Variants in PAPOLG observed in about 807,000 individuals in gnomAD.
PAPOLG encodes poly(A) polymerase gamma.
Under a neutral mutation model 99.0 loss-of-function variants are expected in PAPOLG, and 40 were observed. The ratio of observed to expected loss-of-function variants is 0.40; its 90% CI spans 0.31 to 0.53. The LOEUF is 0.53. Ranked by LOEUF, PAPOLG falls within the 20% of genes least tolerant of loss-of-function variation. PAPOLG has a pLI of 0.41. For missense variants in PAPOLG, 675 were observed against 884.1 expected (o/e 0.76, Z 3.00); for synonymous variants, 310 against 299.3 (o/e 1.04, Z -0.37).
intron 15 of PAPOLG, among the ~76,000 whole-genome samples, chr2:60,788,055 GAAAA>G (rs922658590): frequency 1.4e-5 from 2 of 144,958 alleles, no homozygotes; most frequent in African/African-American, 2.5e-5. Context: ...AAGAAAAAAA[GAAAA>G]AAAAAAGCAT....
intron 8 of PAPOLG, among the ~76,000 whole-genome samples, chr2:60,777,257 A>G (rs1311788309): frequency 6.6e-6 from 1 of 152,118 alleles, no homozygotes; most frequent in African/African-American, 2.4e-5. Context: ...AGAGTTCGAG[A>G]TCAGCCTGAC....
At chr2:60,768,396 C>T in intron 3 of PAPOLG, 74 bp from the exon 4 acceptor site, 1 of 1,493,632 alleles carries the variant, frequency 6.7e-7, no homozygotes, top group East Asian at 2.3e-5. Flanking sequence ...GCCACCATGC[C>T]CAGCCAACAT....
chr2:60,794,228 TA>T (rs1334035040), intron 19 of PAPOLG, 37 bp downstream of exon 19: 2 of 1,570,984 alleles, frequency 1.3e-6, no homozygotes, highest in South Asian at 2.3e-5. Flanking sequence ...CAGTAGTTGA[TA>T]TTTTTTATAG....
At chr2:60,756,575 C>A in intron 1 of PAPOLG, 80 bp downstream of exon 1, 1 of 1,443,704 alleles carries the variant, frequency 6.9e-7, no homozygotes, top group Non-Finnish European at 9.4e-7. Context: ...TGTTTCCGTT[C>A]CCTGTCCCTT....
intron 17 of PAPOLG, among the ~76,000 whole-genome samples, chr2:60,793,420 C>T (rs370155275): frequency 1.3e-4 from 20 of 150,810 alleles, no homozygotes; most frequent in East Asian, 9.8e-4. Context: ...AAAAATTAAC[C>T]CGATATGATG....
rs535452918 is a variant in PAPOLG at position 60,760,440 on chromosome 2, T to C, written c.179+145T>C. On this transcript the variant is annotated intron_variant, in intron 2 of 21. Transcript: ENST00000238714. ...CTTGGCCCTCTTGGAGCTTACATTT[T>C]AGGTAGGGGTTAGAAGAAGAGATTT... 1.0e-5 allele frequency: 7 copies of C among 692,502 alleles called. No homozygotes were observed. The South Asian group carries it at 1.4e-4, about 14-fold the overall frequency. The allele number at this position is 692,502 out of a possible 1,614,324, so 42.9% of individuals were successfully genotyped here.
At position 60,770,330 on chromosome 2, in the gene PAPOLG, A is replaced by C. The variant is rs1043526864; in HGVS notation, c.439-128A>C. ...TTCACATTATTGGTAGTTAGAAAGG[A>C]TAAAGAAGGGATTACTTCTATGTGG... On this transcript the variant is annotated intron_variant, in intron 5 of 21. Coordinates refer to ENST00000238714, the MANE Select transcript of PAPOLG (RefSeq NM_022894.4). 7.4e-6 allele frequency: 5 copies of C among 673,732 alleles called. No individual in the cohort carries two copies. In the East Asian group the frequency reaches 1.6e-4, roughly 22 times the overall value. The allele number at this position is 673,732 out of a possible 1,614,324, so 41.7% of individuals were successfully genotyped here.
rs1412249382 is a variant in PAPOLG, at chr2:60,798,128, A to G, written c.*968A>G. 1 of 152,742 alleles carries G rather than the reference A, an allele frequency of 6.5e-6. No individual in the cohort carries two copies. Among genetic ancestry groups the G allele is most frequent in the African/African-American group, 2.4e-5 (1 of 41,428 alleles). 9.5% of individuals were successfully genotyped at this position (152,742 alleles called of 1,614,324 possible). A position where few individuals can be genotyped will look rare whatever the true frequency, so the allele number is the denominator to read the frequency against. On this transcript the variant is annotated 3_prime_UTR_variant, in exon 22 of 22. Transcript: ENST00000238714. ...GATCATTATTTACCCCACAACTTCAAATAGTTTCTTCACGGACTAGGCATG... is the reference window on the plus strand; with the variant it reads ...GATCATTATTTACCCCACAACTTCAGATAGTTTCTTCACGGACTAGGCATG...
At chr2:60,779,572 GAAA>G in intron 8 of PAPOLG, 62 bp from the exon 9 acceptor site, 1 of 1,481,920 alleles carries the variant, frequency 6.7e-7, no homozygotes, top group Non-Finnish European at 9.2e-7. Flanking sequence ...GTAAAGAGCA[GAAA>G]AAAAAAGAAT....
chr2:60,791,674 AG>A, intron 15 of PAPOLG, 86 bp from the exon 16 acceptor site: 1 of 1,487,314 alleles, frequency 6.7e-7, no homozygotes, highest in South Asian at 1.4e-5. Flanking sequence ...GTGGGGAGAT[AG>A]TAAAAGTATA....
rs938250471 is a variant in PAPOLG at position 60,801,841 on chromosome 2, A to G, written c.*4681A>G. On this transcript the variant is annotated 3_prime_UTR_variant, in exon 22 of 22. Transcript: ENST00000238714. ...GCTATAAGTTTTAAGCTATTGCTAC[A>G]TTTGAACAAAGACCCACGTACTTAT... is the stretch of plus-strand genomic sequence containing the variant. 4.0e-5 allele frequency: 6 copies of G among 151,536 alleles called. No individual in the cohort carries two copies. The highest frequency in any genetic ancestry group is 2.1e-4 in the South Asian group (1 of 4,828). The allele number at this position is 151,536 out of a possible 1,614,324, so 9.4% of individuals were successfully genotyped here. A position where few individuals can be genotyped will look rare whatever the true frequency, so the allele number is the denominator to read the frequency against.
chr2:60,770,965 T>A (rs1023526928), intron 6 of PAPOLG, among the ~76,000 whole-genome samples: 1 of 152,240 alleles, frequency 6.6e-6, no homozygotes, highest in Non-Finnish European at 1.5e-5. Flanking sequence ...TCTTTAAATG[T>A]TCCTTTTTAT....
intron 3 of PAPOLG, among the ~76,000 whole-genome samples, chr2:60,762,571 T>C (rs1186797218): frequency 6.6e-6 from 1 of 152,170 alleles, no homozygotes; most frequent in Admixed American, 6.5e-5. Context: ...TCTAATACAA[T>C]GTTAATGCTA....
chr2:60,777,230 C>G (rs145949048), intron 8 of PAPOLG, among the ~76,000 whole-genome samples: 1 of 152,038 alleles, frequency 6.6e-6, no homozygotes, highest in African/African-American at 2.4e-5. Flanking sequence ...CCGAGGCGAG[C>G]GGATCATGAG....
rs776380071 is a variant in PAPOLG, at chr2:60,782,738, A to T, written c.1080A>T (p.Leu360=). Residue 360 remains leucine, a synonymous_variant, in exon 12 of 22, where the codon CTA becomes CTT. Coordinates refer to ENST00000238714, the MANE Select transcript of PAPOLG (RefSeq NM_022894.4). ...AAGGAAAGTCAGATTGGTCCAAACTACTTGAGCCACCGAATTTCTTTCAAA... is the reference window on the plus strand; with the variant it reads ...AAGGAAAGTCAGATTGGTCCAAACTTCTTGAGCCACCGAATTTCTTTCAAA... ...ILQGKSDWSK[L]LEPPNFFQKY... 1 of 1,567,754 alleles carries T rather than the reference A, an allele frequency of 6.4e-7. No individual in the cohort carries two copies. The highest frequency in any genetic ancestry group is 2.3e-5 in the East Asian group (1 of 43,114).
At position 60,774,903 on chromosome 2, in the gene PAPOLG, C is replaced by A. The variant is rs556767965; in HGVS notation, c.605-131C>A. On this transcript the variant is annotated intron_variant, in intron 7 of 21. Coordinates refer to ENST00000238714, the MANE Select transcript of PAPOLG (RefSeq NM_022894.4). Reference sequence around the variant, plus strand: ...TTTCTCATAAGTGGTAAATTTCATACACATAAAATAAGCCCCAATGTTTTA... The same window carrying A: ...TTTCTCATAAGTGGTAAATTTCATAAACATAAAATAAGCCCCAATGTTTTA... 2.5e-4 allele frequency: 364 copies of A among 1,439,728 alleles called. 4 individuals are homozygous for A. The South Asian group carries it at 2.6e-3, about 10-fold the overall frequency. The allele number at this position is 1,439,728 out of a possible 1,614,324, so 89.2% of individuals were successfully genotyped here.
chr2:60,764,665 A>G (rs1670621244), intron 3 of PAPOLG, among the ~76,000 whole-genome samples: 4 of 152,106 alleles, frequency 2.6e-5, no homozygotes, highest in Admixed American at 2.0e-4. Context: ...AGTTCAAGCA[A>G]TCCAACTGCC....
intron 4 of PAPOLG, 33 bp from the exon 5 acceptor site, chr2:60,768,748 A>T: frequency 4.0e-6 from 6 of 1,488,420 alleles, no homozygotes; most frequent in Non-Finnish European, 5.4e-6. Flanking sequence ...AACACATAAT[A>T]TATTCTTAAT....
chr2:60,757,643 A>G (rs1207250577), intron 1 of PAPOLG, among the ~76,000 whole-genome samples: 1 of 152,148 alleles, frequency 6.6e-6, no homozygotes, highest in Non-Finnish European at 1.5e-5. Context: ...ATTGTATTCT[A>G]TTGTAGGAAA....
Sources: allele counts gnomAD v4.1 joint callset (sites outside exome capture counted in the v4.1 genomes callset), GRCh38; gene constraint gnomAD v4.1.1; transcripts MANE v1.5; gene names NCBI Gene and HGNC (gene_info 2026-07-23, HGNC 2026-07-21).